The following TRIM31 variants were observed in gnomAD, a reference collection of about 807,000 sequenced individuals.
The protein encoded by TRIM31 is E3 ubiquitin-protein ligase TRIM31.
A neutral mutation model predicts 40.6 loss-of-function variants in TRIM31; 31 were observed. That is an observed-to-expected ratio of 0.76 (90% CI 0.57 to 1.03). TRIM31 has a LOEUF of 1.03. TRIM31 is among the 50% of genes least tolerant of loss of function. The pLI is 0.00. For synonymous variants in TRIM31, 164 were observed against 193.9 expected, an observed-to-expected ratio of 0.85 and a Z score of 1.28; for missense variants, 455 against 497.5, an observed-to-expected ratio of 0.91 and a Z score of 0.81.
chr6:30,103,625 C>G lies in TRIM31; in HGVS notation c.1189G>C (p.Asp397His), dbSNP rs2127378259. ...TGGAGCTCCTCGGACAGCGCAACGT[C>G]AAATGTCTTCGTATCCTGAGAGCTC... The part of the protein sequence containing the change: ...GASSQDTKTF[D>H]VALSEELHAA... Residue 397 changes from aspartate (D) to histidine (H), a missense_variant, in exon 9 of 9, where the codon GAC becomes CAC. Coordinates refer to ENST00000376734, the MANE Select transcript of TRIM31 (RefSeq NM_007028.5). The G allele has an allele frequency of 1.2e-6, 2 of 1,613,070 alleles. No homozygotes were observed. The highest frequency in any genetic ancestry group is 1.7e-6 in the Non-Finnish European group (2 of 1,180,042).
rs1769447013 is a variant in TRIM31, at chr6:30,112,498, T to C, written c.308A>G (p.His103Arg). 1 of 1,612,992 alleles carries C rather than the reference T, an allele frequency of 6.2e-7. No homozygotes were observed. The highest frequency in any genetic ancestry group is 1.7e-5 in the Admixed American group (1 of 60,002). Reference protein sequence around the residue: ...ATCPRHQEMFHYFCEDDGKFL... With the variant: ...ATCPRHQEMFRYFCEDDGKFL... The stretch of plus-strand genomic sequence containing the variant: ...CTTCCCATCATCCTCGCAGAAATAG[T>C]GGAACATCTCCTGGTGCCTCGGGCA... The change falls in exon 2 of 9, where the codon CAC (histidine) becomes CGC (arginine). Residue 103 changes from histidine to arginine, a missense_variant. Coordinates refer to ENST00000376734, the MANE Select transcript of TRIM31 (RefSeq NM_007028.5).
chr6:30,112,603 T>C lies in TRIM31; in HGVS notation c.203A>G (p.Asn68Ser). ...CTCCACCAGATTCCGCAACAGCGAG[T>C]TGAACCTGATTGCGTTCTTCCTTAC... is the stretch of plus-strand genomic sequence containing the variant. Reference protein sequence around the residue: ...TSVRKNAIRFNSLLRNLVEKI... With the variant: ...TSVRKNAIRFSSLLRNLVEKI... Residue 68 changes from asparagine (N) to serine (S), a missense_variant, in exon 2 of 9, where the codon AAC becomes AGC. Coordinates refer to ENST00000376734, the MANE Select transcript of TRIM31 (RefSeq NM_007028.5). 1 of 1,613,092 alleles carries C rather than the reference T, an allele frequency of 6.2e-7. No individual in the cohort carries two copies. Among genetic ancestry groups the C allele is most frequent in the African/African-American group, 1.3e-5 (1 of 75,054 alleles).
chr6:30,111,685 A>C lies in TRIM31; in HGVS notation c.476T>G (p.Val159Gly). ...GACCCTGTGTACACCTTGTGCCTTC[A>C]CTTGTACTGTCTCCTTCTCCTTTTG... Reference protein sequence around the residue: ...LQQKEKETVQVKAQGVHRVDV... With the variant: ...LQQKEKETVQGKAQGVHRVDV... The change falls in exon 3 of 9, where the codon GTG becomes GGG. Residue 159 changes from valine (V) to glycine (G), a missense_variant. Physicochemically the swap from Val to Gly is moderately radical, Grantham distance 109. Transcript: ENST00000376734. 6.2e-7 allele frequency: 1 copy of C among 1,614,154 alleles called. No homozygotes were observed. Among genetic ancestry groups the C allele is most frequent in the Non-Finnish European group, 8.5e-7 (1 of 1,180,022 alleles).
intron 5 of TRIM31, 34 bp from the exon 6 acceptor site, chr6:30,108,202 C>G: frequency 6.7e-7 from 1 of 1,484,512 alleles, no homozygotes; most frequent in Non-Finnish European, 9.4e-7. Context: ...TTGGTGAGAT[C>G]AGGGGATGAG....
chr6:30,108,973 A>G lies in TRIM31; in HGVS notation c.767+53T>C, dbSNP rs565456133. Reference sequence around the variant, plus strand: ...GACTGCATTTGGATATACGCTGAGAATTGTGTGTGGATGAATCAGTAGGCA... The same window carrying G: ...GACTGCATTTGGATATACGCTGAGAGTTGTGTGTGGATGAATCAGTAGGCA... On this transcript the variant is annotated intron_variant, in intron 5 of 8. Coordinates refer to ENST00000376734, the MANE Select transcript of TRIM31 (RefSeq NM_007028.5). 3.7e-4 allele frequency: 582 copies of G among 1,588,502 alleles called. 6 individuals carry two copies. The South Asian group carries it at 6.1e-3, about 17-fold the overall frequency.
Position 30,105,160 on chromosome 6 carries a change from T to G in TRIM31, c.958+8A>C. The G allele has an allele frequency of 6.2e-7, 1 of 1,609,996 alleles. No homozygotes were observed. The highest frequency in any genetic ancestry group is 8.5e-7 in the Non-Finnish European group (1 of 1,178,850). On this transcript the variant is annotated splice_region_variant and intron_variant, in intron 7 of 8. Coordinates refer to ENST00000376734, the MANE Select transcript of TRIM31 (RefSeq NM_007028.5). ...GGCAGAAGCAACCAACCATCATTTC[T>G]CACTTACAGCTCTTCATGTCATTTT...
At chr6:30,108,795 C>T (rs1769001319) in intron 5 of TRIM31, 1 of 615,250 alleles carries the variant, frequency 1.6e-6, no homozygotes, top group Non-Finnish European at 2.9e-6. Context: ...ATAGTAGAAT[C>T]TGTGCTGAAG....
At chr6:30,108,411 T>C (rs1768943019) in intron 5 of TRIM31, among the ~76,000 whole-genome samples, 2 of 151,852 alleles carry the variant, frequency 1.3e-5, no homozygotes, top group Non-Finnish European at 2.9e-5. Context: ...ATATGAAAAT[T>C]AGCCAGGCTT....
At chr6:30,109,189 C>T (rs1480328724) in intron 4 of TRIM31, 141 bp from the exon 5 acceptor site, 8 of 783,974 alleles carry the variant, frequency 1.0e-5, no homozygotes, top group Non-Finnish European at 1.5e-5. Context: ...CATCCTCCTC[C>T]CCTCTCCCCA....
At position 30,104,257 on chromosome 6, in the gene TRIM31, AG is replaced by A. The variant is rs1768475418; in HGVS notation, c.959-91del. On this transcript the variant is annotated intron_variant, in intron 7 of 8. Coordinates refer to ENST00000376734, the MANE Select transcript of TRIM31 (RefSeq NM_007028.5). ...AACAAGCACCCTGCCATCATCAATC[AG>A]AACAGTCAATGGTTCTCAGTGGGAC... 2.3e-6 allele frequency: 3 copies of A among 1,319,308 alleles called. No homozygotes were observed. In the Admixed American group the frequency reaches 5.3e-5, roughly 23 times the overall value. 81.7% of individuals were successfully genotyped at this position (1,319,308 alleles called of 1,614,324 possible). A position where few individuals can be genotyped will look rare whatever the true frequency, so the allele number is the denominator to read the frequency against.
At chr6:30,110,149 A>G (rs1042366967) in intron 4 of TRIM31, among the ~76,000 whole-genome samples, 111 of 152,104 alleles carry the variant, frequency 7.3e-4, no homozygotes, top group African/African-American at 2.5e-3. Flanking sequence ...AAAATATTTT[A>G]TTAAAATTAA....
chr6:30,104,098 T>C lies in TRIM31; in HGVS notation c.1024+4A>G. On this transcript the variant is annotated splice_donor_region_variant and intron_variant, in intron 8 of 8. Transcript: ENST00000376734. Reference sequence around the variant, plus strand: ...CCCTTAGTATTCAGAGACAGGACTCTTACCTGCAGAAGATGACCCGGGCTC... The same window carrying C: ...CCCTTAGTATTCAGAGACAGGACTCCTACCTGCAGAAGATGACCCGGGCTC... The C allele has an allele frequency of 6.2e-7, 1 of 1,613,018 alleles. No individual in the cohort carries two copies. The highest frequency in any genetic ancestry group is 8.5e-7 in the Non-Finnish European group (1 of 1,179,994).
At chr6:30,112,216 A>T in intron 2 of TRIM31, 173 bp downstream of exon 2, 1 of 656,840 alleles carries the variant, frequency 1.5e-6, no homozygotes. Flanking sequence ...GAGAGTCAGC[A>T]GTTCCCCAGA....
At chr6:30,108,314 T>A (rs1377583124) in intron 5 of TRIM31, 146 bp from the exon 6 acceptor site, 2 of 625,386 alleles carry the variant, frequency 3.2e-6, no homozygotes, top group Non-Finnish European at 5.7e-6. Context: ...ATCCCAGCAC[T>A]TTGGGAGGCT....
rs1298027087 is a variant in TRIM31, at chr6:30,103,399, G to A, written c.*137C>T. 14 of 814,882 alleles carry A rather than the reference G, an allele frequency of 1.7e-5. No individual in the cohort carries two copies. The highest frequency in any genetic ancestry group is 4.5e-5 in the Admixed American group (2 of 44,374). The allele number at this position is 814,882 out of a possible 1,614,324, so 50.5% of individuals were successfully genotyped here. On this transcript the variant is annotated 3_prime_UTR_variant, in exon 9 of 9. Coordinates refer to ENST00000376734, the MANE Select transcript of TRIM31 (RefSeq NM_007028.5). Reference sequence around the variant, plus strand: ...CCCCCATCTCCACTCTCAGTAGCCCGAGCCCTCCCATTCTCCACTCCTTCG... The same window carrying A: ...CCCCCATCTCCACTCTCAGTAGCCCAAGCCCTCCCATTCTCCACTCCTTCG...
chr6:30,107,970 GTCACAGT>G, intron 6 of TRIM31, 76 bp downstream of exon 6: 1 of 944,498 alleles, frequency 1.1e-6, no homozygotes, highest in Non-Finnish European at 1.7e-6. Context: ...GCATGTATGA[GTCACAGT>G]TCCATTTCAG....
chr6:30,109,615 T>C (rs1769090177), intron 4 of TRIM31, among the ~76,000 whole-genome samples: 1 of 152,180 alleles, frequency 6.6e-6, no homozygotes, highest in African/African-American at 2.4e-5. Context: ...GCACGGTGGT[T>C]CACGCCTGTA....
rs199752386 is a variant in TRIM31 at position 30,105,025 on chromosome 6, C to T, written c.958+143G>A. 157 of 717,342 alleles carry T rather than the reference C, an allele frequency of 2.2e-4. 2 individuals carry two copies. In the East Asian group the frequency reaches 3.7e-3, roughly 17 times the overall value. 44.4% of individuals were successfully genotyped at this position (717,342 alleles called of 1,614,324 possible). On this transcript the variant is annotated intron_variant, in intron 7 of 8. Transcript: ENST00000376734. ...GTTACCTGAGTTTAAAATAATAAAA[C>T]AACCATATGCCTGTTCTCTCAATTG...
intron 8 of TRIM31, 68 bp downstream of exon 8, chr6:30,104,034 G>A: frequency 6.6e-7 from 1 of 1,510,312 alleles, no homozygotes. Flanking sequence ...AGTGGAATTG[G>A]GTGGATACAG....
Sources: gnomAD v4.1 joint callset for allele counts (sites outside exome capture counted in the v4.1 genomes callset) on GRCh38, gnomAD v4.1.1 for gene constraint, MANE v1.5 for transcripts, NCBI Gene and HGNC (gene_info 2026-07-23, HGNC 2026-07-21) for gene names.